The following PRUNE2 variants were observed in gnomAD, a reference collection of about 807,000 sequenced individuals.
The protein encoded by PRUNE2 is protein prune homolog 2.
PRUNE2 carries 164 observed loss-of-function variants against 252.0 expected under a neutral mutation model. The ratio of observed to expected loss-of-function variants is 0.65; its 90% confidence interval spans 0.57 to 0.74. The LOEUF (loss-of-function observed/expected upper bound fraction) is 0.74, where lower values mean the gene tolerates loss of function less well. Ranked by LOEUF, PRUNE2 falls within the 30% of genes least tolerant of loss-of-function variation. The pLI, the probability that PRUNE2 is intolerant of heterozygous loss-of-function variation, is 0.00. For missense variants in PRUNE2, 3,495 were observed against 3,711.0 expected, an observed-to-expected ratio of 0.94 and a Z score of 1.51; for synonymous variants, 1,292 against 1,350.2, an observed-to-expected ratio of 0.96 and a Z score of 0.94.
intron 17 of PRUNE2, among the ~76,000 whole-genome samples, chr9:76,620,249 C>A (rs909029446): frequency 2.6e-5 from 4 of 151,816 alleles, no homozygotes; most frequent in Admixed American, 1.3e-4. Context: ...AAGCGATTCT[C>A]CTGCCTCAGC....
chr9:76,632,271 T>C (rs1006427463), intron 15 of PRUNE2, among the ~76,000 whole-genome samples: 10 of 152,228 alleles, frequency 6.6e-5, no homozygotes, highest in African/African-American at 1.9e-4. Context: ...ACCTCTATCA[T>C]AGATGCTACC....
At chr9:76,724,421 G>A (rs997054147) in intron 6 of PRUNE2, among the ~76,000 whole-genome samples, 14 of 151,696 alleles carry the variant, frequency 9.2e-5, no homozygotes, top group African/African-American at 3.4e-4. Flanking sequence ...AGGTTGCAGT[G>A]AGCGGAGATC....
intron 12 of PRUNE2, among the ~76,000 whole-genome samples, chr9:76,641,337 G>C (rs1052541436): frequency 6.6e-6 from 1 of 152,146 alleles, no homozygotes; most frequent in African/African-American, 2.4e-5. Context: ...ATAAAAGAAA[G>C]ATTTCCACAT....
intron 1 of PRUNE2, among the ~76,000 whole-genome samples, chr9:76,880,075 G>A (rs754227628): frequency 7.9e-5 from 12 of 151,010 alleles, no homozygotes; most frequent in Non-Finnish European, 1.3e-4. Context: ...CACCACGCCC[G>A]GCTAATTGTT....
chr9:76,665,415 G>A (rs635856), intron 9 of PRUNE2, among the ~76,000 whole-genome samples: 1 of 151,692 alleles, frequency 6.6e-6, no homozygotes, highest in East Asian at 2.0e-4. Flanking sequence ...CCCACAGAGT[G>A]GGGACCTGGG....
intron 11 of PRUNE2, among the ~76,000 whole-genome samples, chr9:76,648,391 T>C (rs1413647059): frequency 6.6e-6 from 1 of 152,196 alleles, no homozygotes; most frequent in Admixed American, 6.5e-5. Context: ...GCTTCATTCA[T>C]AATTGCCAAA....
In PRUNE2 at chr9:76,791,706, C is replaced by G. The variant is rs189445032; in HGVS notation, c.756+31926G>C. Among the ~76,000 whole-genome samples the G allele has an allele frequency of 2.5e-4, 38 of 152,282 alleles. No individual in the cohort carries two copies. In the East Asian group the frequency reaches 6.8e-3, roughly 27 times the overall value. ...TCATCAAAGGAAGACCACGGGGCAT[C>G]CACTGATCATGGCTGAGGTGATACA... On this transcript the variant is annotated intron_variant, in intron 6 of 18. Coordinates refer to ENST00000376718, the MANE Select transcript of PRUNE2 (RefSeq NM_015225.3).
intron 6 of PRUNE2, among the ~76,000 whole-genome samples, chr9:76,798,750 C>A (rs1018485114): frequency 7.2e-5 from 11 of 152,160 alleles, no homozygotes; most frequent in Non-Finnish European, 1.5e-4. Flanking sequence ...ATTATTAGAG[C>A]GTCCTTAAGC....
intron 6 of PRUNE2, among the ~76,000 whole-genome samples, chr9:76,776,887 AACACATACACACACACACACACAC>A (rs2053835709): frequency 1.0e-5 from 1 of 96,508 alleles, no homozygotes; most frequent in Non-Finnish European, 2.2e-5. Context: ...TCATTACCAA[AACACATACACACACACACACACAC>A]ACACACACAC....
intron 10 of PRUNE2, among the ~76,000 whole-genome samples, chr9:76,653,153 T>G (rs1848044708): frequency 6.6e-6 from 1 of 152,190 alleles, no homozygotes; most frequent in Admixed American, 6.5e-5. Context: ...AATGGTTAGA[T>G]AACTAGTTTT....
intron 1 of PRUNE2, among the ~76,000 whole-genome samples, chr9:76,882,123 A>C (rs1318542619): frequency 6.6e-6 from 1 of 151,654 alleles, no homozygotes; most frequent in Non-Finnish European, 1.5e-5. Context: ...AAATCTCTCT[A>C]ATCTAATGTG....
rs1456030763 is a variant in PRUNE2, at chr9:76,656,807, T to C, written c.8277-1305A>G. ...TTACCTACCAACTCCTGAGACCCCT[T>C]CAAAAGCTCAGCATCAGGGAGTTTC... On this transcript the variant is annotated intron_variant, in intron 9 of 18. Coordinates refer to ENST00000376718, the MANE Select transcript of PRUNE2 (RefSeq NM_015225.3). Among the ~76,000 whole-genome samples the C allele has an allele frequency of 2.0e-5, 3 of 152,122 alleles. No homozygotes were observed. The East Asian group carries it at 5.8e-4, about 29-fold the overall frequency.
chr9:76,671,158 A>C (rs1223748448), intron 9 of PRUNE2, among the ~76,000 whole-genome samples: 1 of 149,592 alleles, frequency 6.7e-6, no homozygotes, highest in African/African-American at 2.5e-5. Context: ...ACTTTGAAAA[A>C]AATTTAGAAG....
chr9:76,757,726 C>A (rs555020628), intron 6 of PRUNE2, among the ~76,000 whole-genome samples: 2 of 152,072 alleles, frequency 1.3e-5, no homozygotes, highest in African/African-American at 4.8e-5. Flanking sequence ...TTTTGGGAAG[C>A]AGAGGCAGGG....
Position 76,708,199 on chromosome 9 carries a change from C to T in PRUNE2, c.4075G>A (p.Gly1359Arg), listed in dbSNP as rs1190833168. The change falls in exon 8 of 19, where the codon GGG becomes AGG. Residue 1359 changes from glycine to arginine, a missense_variant. Coordinates refer to ENST00000376718, the MANE Select transcript of PRUNE2 (RefSeq NM_015225.3). ...GAAGACAGTTCCTGGTCACTCTGCCCTTTTTCAGAAATCCCTGAGGCATTC... is the reference window on the plus strand; with the variant it reads ...GAAGACAGTTCCTGGTCACTCTGCCTTTTTTCAGAAATCCCTGAGGCATTC... ...VENASGISEK[G>R]QSDQELSSLV... 1 of 1,613,968 alleles carries T rather than the reference C, an allele frequency of 6.2e-7. No individual in the cohort carries two copies. Among genetic ancestry groups the T allele is most frequent in the East Asian group, 2.2e-5 (1 of 44,872 alleles).
intron 1 of PRUNE2, among the ~76,000 whole-genome samples, chr9:76,878,123 T>C (rs1643504381): frequency 6.6e-5 from 10 of 152,210 alleles, no homozygotes; most frequent in Admixed American, 5.9e-4. Context: ...CAGATAGTCC[T>C]TGAGGCCACT....
intron 1 of PRUNE2, among the ~76,000 whole-genome samples, chr9:76,888,470 A>T (rs2133433194): frequency 6.6e-6 from 1 of 152,062 alleles, no homozygotes; most frequent in South Asian, 2.1e-4. Flanking sequence ...CCAGCTACTC[A>T]GGAGTCTGAG....
chr9:76,762,329 G>A (rs2051812313), intron 6 of PRUNE2, among the ~76,000 whole-genome samples: 1 of 152,208 alleles, frequency 6.6e-6, no homozygotes, highest in Non-Finnish European at 1.5e-5. Context: ...ATAGGAAGCA[G>A]TGATCCAAAG....
chr9:76,889,256 C>T (rs1184970654), intron 1 of PRUNE2, among the ~76,000 whole-genome samples: 1 of 152,024 alleles, frequency 6.6e-6, no homozygotes, highest in East Asian at 1.9e-4. Flanking sequence ...AATTTTAATA[C>T]ATATTAGAAA....
Sources: allele counts gnomAD v4.1 joint callset (sites outside exome capture counted in the v4.1 genomes callset), GRCh38; gene constraint gnomAD v4.1.1; transcripts MANE v1.5; gene names NCBI Gene and HGNC (gene_info 2026-07-23, HGNC 2026-07-21).